Variants in ZSCAN32 observed in about 807,000 individuals in gnomAD.
ZSCAN32 encodes the protein zinc finger and SCAN domain-containing protein 32.
In ZSCAN32, 52 loss-of-function variants were observed where a neutral mutation model predicts 47.4. The ratio of observed to expected loss-of-function variants is 1.10; its 90% CI spans 0.88 to 1.38. ZSCAN32 has a LOEUF of 1.38. Among genes scored for constraint, ZSCAN32 ranks in the 40% most tolerant of loss-of-function variants. ZSCAN32 has a pLI of 0.00. For synonymous variants in ZSCAN32, 346 were observed against 305.7 expected (o/e 1.13, Z -1.38); for missense variants, 959 against 846.0 (o/e 1.13, Z -1.66).
chr16:3,384,855 A>AG lies in ZSCAN32; in HGVS notation c.837dup (p.Cys280LeufsTer48). The AG allele has an allele frequency of 1.9e-6, 3 of 1,614,090 alleles. No individual in the cohort carries two copies. Among genetic ancestry groups the AG allele is most frequent in the Non-Finnish European group, 2.5e-6 (3 of 1,180,002 alleles). On this transcript the variant is annotated frameshift_variant, in exon 6 of 7. Coordinates refer to ENST00000396852, the MANE Select transcript of ZSCAN32 (RefSeq NM_001284527.2). LOFTEE classifies it high-confidence loss of function. ...CTGTAGATCTGGCTGTTCTGCTGACAGGTCTGGAGTTTTCCATAAAATTGA... is the reference window on the plus strand; with the variant it reads ...CTGTAGATCTGGCTGTTCTGCTGACAGGGTCTGGAGTTTTCCATAAAATTGA...
chr16:3,383,537 C>T lies in ZSCAN32; in HGVS notation c.1409G>A (p.Gly470Glu), dbSNP rs148491043. Residue 470 changes from glycine (G) to glutamate (E), a missense_variant, in exon 7 of 7, where the codon GGG (glycine) becomes GAG (glutamate). Transcript: ENST00000396852. ...GGATGGGGTTTTCTCCTCACTCTCC[C>T]CTGGAGAATTTCTACATTGCCTTCT... is the stretch of plus-strand genomic sequence containing the variant. ...TSRRQCRNSP[G>E]ESEEKTPSQE... 7 of 1,613,942 alleles carry T rather than the reference C, an allele frequency of 4.3e-6. No homozygotes were observed. In the African/African-American group the frequency reaches 6.7e-5, roughly 15 times the overall value.
intron 1 of ZSCAN32, among the ~76,000 whole-genome samples, chr16:3,399,705 C>CA (rs1430502648): frequency 5.9e-5 from 9 of 152,026 alleles, no homozygotes; most frequent in Non-Finnish European, 1.3e-4. Flanking sequence ...CTCAACCTCC[C>CA]AAAGTGTTAG....
At chr16:3,383,753 G>A (rs2031570803) in intron 6 of ZSCAN32, 42 bp from the exon 7 acceptor site, 3 of 1,529,106 alleles carry the variant, frequency 2.0e-6, no homozygotes, top group Non-Finnish European at 2.6e-6. Flanking sequence ...GGACTATAGA[G>A]AAGGAAAACA....
intron 2 of ZSCAN32, among the ~76,000 whole-genome samples, chr16:3,394,127 G>A (rs1489887474): frequency 6.6e-6 from 1 of 152,098 alleles, no homozygotes; most frequent in African/African-American, 2.4e-5. Flanking sequence ...TTAGCTGGGT[G>A]TAGTGGTGTG....
Position 3,397,303 on chromosome 16 carries a change from A to C in ZSCAN32, c.255T>G (p.Phe85Leu). The change falls in exon 2 of 7, where the codon TTT (phenylalanine) becomes TTG (leucine). Residue 85 changes from phenylalanine to leucine, a missense_variant. Physicochemically the swap from Phe to Leu is conservative, Grantham distance 22. Coordinates refer to ENST00000396852, the MANE Select transcript of ZSCAN32 (RefSeq NM_001284527.2). ...GGATCTCCTCTGGCAAGATAGTCAG[A>C]AACTGCTCCAAAACCAGCAGCTCCA... Reference protein sequence around the residue: ...EILELLVLEQFLTILPEEIQT... With the variant: ...EILELLVLEQLLTILPEEIQT... 1 of 1,571,932 alleles carries C rather than the reference A, an allele frequency of 6.4e-7. No homozygotes were observed. The highest frequency in any genetic ancestry group is 8.6e-7 in the Non-Finnish European group (1 of 1,158,554).
At chr16:3,393,076 C>A (rs1450800264) in intron 3 of ZSCAN32, among the ~76,000 whole-genome samples, 1 of 140,458 alleles carries the variant, frequency 7.1e-6, no homozygotes, top group Non-Finnish European at 1.5e-5. Flanking sequence ...TATGCTAACA[C>A]ATAAAGAATC....
intron 6 of ZSCAN32, 154 bp downstream of exon 6, chr16:3,384,305 C>T (rs1373748043): frequency 4.7e-6 from 5 of 1,069,640 alleles, no homozygotes; most frequent in Non-Finnish European, 6.8e-6. Context: ...AGGGGAATAA[C>T]CTTTAACTCC....
chr16:3,390,129 G>A lies in ZSCAN32; in HGVS notation c.632C>T (p.Pro211Leu). 6.2e-7 allele frequency: 1 copy of A among 1,609,112 alleles called. No individual in the cohort carries two copies. The highest frequency in any genetic ancestry group is 8.5e-7 in the Non-Finnish European group (1 of 1,177,570). Residue 211 changes from proline (P) to leucine (L), a missense_variant, in exon 5 of 7, where the codon CCA becomes CTA. Coordinates refer to ENST00000396852, the MANE Select transcript of ZSCAN32 (RefSeq NM_001284527.2). ...TACAGCTCTGTTGTCACGCATGGCT[G>A]GTCCCTGTAACAACACTGGAGCTGC... ...AVVWTAGSQG[P>L]AMRDNRAVSL...
In ZSCAN32 at chr16:3,382,992, G is replaced by A. The variant is rs200526799; in HGVS notation, c.1954C>T (p.Arg652Ter). The A allele has an allele frequency of 4.5e-4, 720 of 1,614,040 alleles. 1 individual carries two copies. The highest frequency in any genetic ancestry group is 5.0e-4 in the Non-Finnish European group (592 of 1,179,972). ...GGCTTTTCACCAGTGTGGGTTTTTC[G>A]GTGGGCACTGAAGTGGGAGCTATTG... ...FNNSSHFSAH[R>*]KTHTGEKPYR... Residue 652 changes from arginine to a stop codon, truncating the protein, a stop_gained, in exon 7 of 7, where the codon CGA becomes TGA. Transcript: ENST00000396852. LOFTEE classifies it low-confidence loss of function (END_TRUNC).
chr16:3,391,547 C>T (rs888334801), intron 3 of ZSCAN32, among the ~76,000 whole-genome samples: 5 of 151,908 alleles, frequency 3.3e-5, no homozygotes, highest in Non-Finnish European at 7.4e-5. Flanking sequence ...GGCGTGGTGG[C>T]AGGCGCCTGT....
chr16:3,388,163 G>T (rs1349880766), intron 5 of ZSCAN32, among the ~76,000 whole-genome samples: 2 of 152,182 alleles, frequency 1.3e-5, no homozygotes, highest in Non-Finnish European at 2.9e-5. Context: ...CTCCCTCTCA[G>T]TCTCAGCTAG....
At chr16:3,398,783 G>A (rs1370178088) in intron 1 of ZSCAN32, among the ~76,000 whole-genome samples, 3 of 152,144 alleles carry the variant, frequency 2.0e-5, no homozygotes, top group African/African-American at 7.2e-5. Context: ...GAGAACTGGT[G>A]TGTGTGTGCT....
chr16:3,384,448 G>T lies in ZSCAN32; in HGVS notation c.1234+11C>A. ...GCCATCCTTTGACCATCAGAGCCAA[G>T]GGAGTCTTACCAAGTCTGTTTGGGA... On this transcript the variant is annotated intron_variant, in intron 6 of 6. Transcript: ENST00000396852. 1 of 1,613,976 alleles carries T rather than the reference G, an allele frequency of 6.2e-7. No homozygotes were observed. Among genetic ancestry groups the T allele is most frequent in the Non-Finnish European group, 8.5e-7 (1 of 1,179,916 alleles).
In ZSCAN32 at chr16:3,384,632, G is replaced by C. The variant is rs149193108; in HGVS notation, c.1061C>G (p.Pro354Arg). Residue 354 changes from proline (P) to arginine (R), a missense_variant, in exon 6 of 7, where the codon CCT (proline) becomes CGT (arginine). Physicochemically the swap from Pro to Arg is moderately radical, Grantham distance 103. Coordinates refer to ENST00000396852, the MANE Select transcript of ZSCAN32 (RefSeq NM_001284527.2). ...SAPPMASDAV[P>R]GQEGSDIEAG... is the part of the protein sequence containing the mutation. ...CTCAATATCACTTCCTTCTTGGCCA[G>C]GAACAGCATCGCTTGCCATAGGAGG... The C allele has an allele frequency of 3.1e-4, 493 of 1,614,170 alleles. 4 individuals carry two copies. The African/African-American group carries it at 5.7e-3, about 19-fold the overall frequency.
Position 3,384,448 on chromosome 16 carries a change from G to A in ZSCAN32, c.1234+11C>T. On this transcript the variant is annotated intron_variant, in intron 6 of 6. Transcript: ENST00000396852. ...GCCATCCTTTGACCATCAGAGCCAA[G>A]GGAGTCTTACCAAGTCTGTTTGGGA... 1 of 1,613,976 alleles carries A rather than the reference G, an allele frequency of 6.2e-7. No homozygotes were observed. Among genetic ancestry groups the A allele is most frequent in the Non-Finnish European group, 8.5e-7 (1 of 1,179,916 alleles).
At position 3,383,395 on chromosome 16, in the gene ZSCAN32, C is replaced by T; in HGVS notation, c.1551G>A (p.Leu517=). 1 of 1,614,134 alleles carries T rather than the reference C, an allele frequency of 6.2e-7. No individual in the cohort carries two copies. The change falls in exon 7 of 7, where the codon CTG becomes CTA. Residue 517 remains leucine, a synonymous_variant. Transcript: ENST00000396852. ...VHSPHKPALK[L]EKVSQCPECG... ...ATTCAGGACATTGAGATACTTTTTC[C>T]AGTTTGAGCGCTGGCTTGTGGGGAG...
intron 2 of ZSCAN32, among the ~76,000 whole-genome samples, chr16:3,395,937 G>T (rs985200637): frequency 6.6e-6 from 1 of 152,236 alleles, no homozygotes; most frequent in Non-Finnish European, 1.5e-5. Context: ...GGCTGAGACT[G>T]CAGTGAGCCG....
In ZSCAN32 at chr16:3,397,219, C is replaced by T. The variant is rs1054014040; in HGVS notation, c.339G>A (p.Glu113=). 6 of 1,553,290 alleles carry T rather than the reference C, an allele frequency of 3.9e-6. No individual in the cohort carries two copies. In the African/African-American group the frequency reaches 8.2e-5, roughly 21 times the overall value. Residue 113 remains glutamate (E), a synonymous_variant, in exon 2 of 7, where the codon GAG becomes GAA. Transcript: ENST00000396852. The stretch of plus-strand genomic sequence containing the variant: ...GTTGTCCAGGAGCTCTCTGTACATC[C>T]TCAACCAGAGCCACAGCTTCCTCGC... ...ENGEEAVALV[E]DVQRAPGQQV... is the part of the protein sequence containing the mutation.
chr16:3,383,890 A>G (rs1009958269), intron 6 of ZSCAN32, 179 bp from the exon 7 acceptor site: 3 of 764,230 alleles, frequency 3.9e-6, no homozygotes, highest in Admixed American at 3.5e-5. Flanking sequence ...GCTCCAAATT[A>G]TTACAGGAAA....
Sources: allele counts gnomAD v4.1 joint callset (sites outside exome capture counted in the v4.1 genomes callset), GRCh38; gene constraint gnomAD v4.1.1; transcripts MANE v1.5; gene names NCBI Gene and HGNC (gene_info 2026-07-23, HGNC 2026-07-21).